TPR: variants seen among roughly 807,000 people sequenced by gnomAD.
The protein encoded by TPR is translocated promoter region, nuclear basket protein, also known as nucleoprotein TPR.
A neutral mutation model predicts 316.1 loss-of-function variants in TPR; 51 were observed. The observed-to-expected ratio is 0.16, with a 90% CI of 0.13 to 0.20. The LOEUF is 0.20. TPR is among the 10% of genes least tolerant of loss of function. TPR has a pLI of 1.00. For missense variants in TPR, 2,272 were observed against 2,754.8 expected (o/e 0.82, Z 3.92); for synonymous variants, 981 against 914.7 (o/e 1.07, Z -1.31).
intron 41 of TPR, 86 bp downstream of exon 41, chr1:186,326,018 A>AT (rs1657920969): frequency 6.3e-7 from 1 of 1,581,218 alleles, no homozygotes; most frequent in South Asian, 1.2e-5. Flanking sequence ...AGTGAATTTC[A>AT]TAAGCCTTTC....
chr1:186,343,208 C>G lies in TPR; in HGVS notation c.3750+118G>C, dbSNP rs547132260. ...GTTTAACAAATGCTTAATGAATTTA[C>G]AAGTTTAGAAGAATGCTTACTTCAA... On this transcript the variant is annotated intron_variant, in intron 27 of 50. Transcript: ENST00000367478. 4.4e-5 allele frequency: 58 copies of G among 1,326,962 alleles called. No homozygotes were observed. The African/African-American group carries it at 7.9e-4, about 18-fold the overall frequency. 82.2% of individuals were successfully genotyped at this position (1,326,962 alleles called of 1,614,324 possible).
chr1:186,325,572 G>A, intron 42 of TPR, 192 bp downstream of exon 42: 1 of 470,496 alleles, frequency 2.1e-6, no homozygotes, highest in Non-Finnish European at 3.7e-6. Flanking sequence ...GCAGAAAAGA[G>A]TATAATGACA....
chr1:186,356,858 T>C (rs1659043774), intron 14 of TPR, among the ~76,000 whole-genome samples: 1 of 152,200 alleles, frequency 6.6e-6, no homozygotes, highest in Non-Finnish European at 1.5e-5. Flanking sequence ...TCTACCGCTA[T>C]GATCCCACAG....
At chr1:186,332,014 T>C (rs569130060) in intron 38 of TPR, among the ~76,000 whole-genome samples, 181 bp downstream of exon 38, 4 of 152,148 alleles carry the variant, frequency 2.6e-5, no homozygotes, top group Non-Finnish European at 5.9e-5. Flanking sequence ...TGCAAGAATA[T>C]AAAACACTGT....
chr1:186,347,466 A>T lies in TPR; in HGVS notation c.2777-8T>A, dbSNP rs1658717776. ...CTTTGTTGCTAGGCTGACCTAAAAG[A>T]CATAACAGCTCTGTTAAAATTAACA... On this transcript the variant is annotated splice_polypyrimidine_tract_variant and splice_region_variant and intron_variant, in intron 21 of 50. Coordinates refer to ENST00000367478, the MANE Select transcript of TPR (RefSeq NM_003292.3). The T allele has an allele frequency of 4.3e-6, 7 of 1,612,790 alleles. No homozygotes were observed. The East Asian group carries it at 1.6e-4, about 36-fold the overall frequency.
chr1:186,351,354 C>T lies in TPR; in HGVS notation c.2586G>A (p.Arg862=). Residue 862 remains arginine, a synonymous_variant, in exon 20 of 51, where the codon AGG becomes AGA. Coordinates refer to ENST00000367478, the MANE Select transcript of TPR (RefSeq NM_003292.3). ...CATCTAGATTTCTAGTAAGTGTATGCCTTTGTTCCACCTCATTTTCCAACT... is the reference window on the plus strand; with the variant it reads ...CATCTAGATTTCTAGTAAGTGTATGTCTTTGTTCCACCTCATTTTCCAACT... ...KKKLENEVEQ[R]HTLTRNLDVQ... is the part of the protein sequence containing the mutation. 1 of 1,611,482 alleles carries T rather than the reference C, an allele frequency of 6.2e-7. No individual in the cohort carries two copies. Among genetic ancestry groups the T allele is most frequent in the Non-Finnish European group, 8.5e-7 (1 of 1,178,940 alleles).
In TPR at chr1:186,339,734, T is replaced by C. The variant is rs1383713345; in HGVS notation, c.4059A>G (p.Glu1353=). Residue 1353 remains glutamate, a synonymous_variant, in exon 30 of 51, where the codon GAA becomes GAG. Transcript: ENST00000367478. ...CCTTTTCAGAAAGGAGCTTCCGATA[T>C]TCTTCTGTATCTGGATCTTTCTGTT... The part of the protein sequence containing the change: ...VSQQKDPDTE[E]YRKLLSEKEV... 1.9e-6 allele frequency: 3 copies of C among 1,605,866 alleles called. No homozygotes were observed. In the African/African-American group the frequency reaches 4.0e-5, roughly 22 times the overall value.
chr1:186,361,192 T>C (rs1659175967), intron 9 of TPR, among the ~76,000 whole-genome samples: 1 of 151,966 alleles, frequency 6.6e-6, no homozygotes, highest in South Asian at 2.1e-4. Context: ...TCTTTAATCC[T>C]AAGTAAAGGA....
At chr1:186,334,263 T>C (rs1658272733) in intron 36 of TPR, 62 bp downstream of exon 36, 2 of 1,438,296 alleles carry the variant, frequency 1.4e-6, no homozygotes, top group Non-Finnish European at 1.9e-6. Context: ...TTGAAATTAC[T>C]GTCATCTTCT....
At chr1:186,314,938 G>C (rs1657551458) in intron 49 of TPR, among the ~76,000 whole-genome samples, 1 of 152,018 alleles carries the variant, frequency 6.6e-6, no homozygotes, top group Non-Finnish European at 1.5e-5. Flanking sequence ...AGGCTAAGGT[G>C]GGAGGATCAC....
At chr1:186,329,421 T>C (rs1051446445) in intron 39 of TPR, among the ~76,000 whole-genome samples, 3 of 152,272 alleles carry the variant, frequency 2.0e-5, no homozygotes, top group Non-Finnish European at 4.4e-5. Context: ...ATATCCATAA[T>C]GAGACAGCTA....
chr1:186,339,535 C>T, intron 30 of TPR, 107 bp downstream of exon 30: 8 of 958,118 alleles, frequency 8.3e-6, no homozygotes, highest in Non-Finnish European at 1.1e-5. Flanking sequence ...TGCTCTAGCA[C>T]TTTCCATTCT....
intron 38 of TPR, 136 bp downstream of exon 38, chr1:186,332,059 G>T: frequency 1.1e-6 from 1 of 894,752 alleles, no homozygotes; most frequent in Non-Finnish European, 1.6e-6. Flanking sequence ...TGGAATCTTT[G>T]TAGAAAGTTC....
At chr1:186,327,075 A>G (rs1657970576) in intron 40 of TPR, among the ~76,000 whole-genome samples, 2 of 25,762 alleles carry the variant, frequency 7.8e-5, no homozygotes, top group Non-Finnish European at 1.4e-4. Flanking sequence ...ATATAAATAT[A>G]TATAAATATA....
At chr1:186,372,304 C>T (rs570290080) in intron 2 of TPR, among the ~76,000 whole-genome samples, 18 of 152,126 alleles carry the variant, frequency 1.2e-4, no homozygotes, top group Non-Finnish European at 2.1e-4. Context: ...CACTTTGGGA[C>T]GCCGAGGCGG....
In TPR at chr1:186,312,093, C is replaced by G; in HGVS notation, c.*1878G>C. ...AATGAGAACAAAACTGTTTCCTATACATTGTAAAAGTTGTTTTCCACCTTT... is the reference window on the plus strand; with the variant it reads ...AATGAGAACAAAACTGTTTCCTATAGATTGTAAAAGTTGTTTTCCACCTTT... On this transcript the variant is annotated 3_prime_UTR_variant, in exon 51 of 51. Transcript: ENST00000367478. The G allele has an allele frequency of 8.6e-7, 1 of 1,168,088 alleles. No individual in the cohort carries two copies. Among genetic ancestry groups the G allele is most frequent in the Non-Finnish European group, 1.3e-6 (1 of 789,200 alleles). 72.4% of individuals were successfully genotyped at this position (1,168,088 alleles called of 1,614,324 possible).
At position 186,341,019 on chromosome 1, in the gene TPR, T is replaced by C; in HGVS notation, c.4020+9A>G. On this transcript the variant is annotated intron_variant, in intron 29 of 50. Coordinates refer to ENST00000367478, the MANE Select transcript of TPR (RefSeq NM_003292.3). ...TTCCATGTTTTGGAAGAGTTTTAAC[T>C]GCATTTACCTGGTTACGTGCTTTCC... 2.5e-6 allele frequency: 4 copies of C among 1,607,418 alleles called. No individual in the cohort carries two copies. The highest frequency in any genetic ancestry group is 3.4e-6 in the Non-Finnish European group (4 of 1,178,374).
intron 12 of TPR, 51 bp downstream of exon 12, chr1:186,359,748 C>A (rs1273588294): frequency 3.3e-6 from 5 of 1,530,628 alleles, no homozygotes; most frequent in East Asian, 4.8e-5. Flanking sequence ...CCTAGTAAAT[C>A]ATTTCTCATT....
At chr1:186,320,183 A>T (rs370752261) in intron 46 of TPR, 129 bp downstream of exon 46, 15 of 815,626 alleles carry the variant, frequency 1.8e-5, no homozygotes, top group African/African-American at 1.0e-4. Flanking sequence ...CATTTAAAAA[A>T]ATAAATTAGC....
Sources: allele counts gnomAD v4.1 joint callset (sites outside exome capture counted in the v4.1 genomes callset), GRCh38; gene constraint gnomAD v4.1.1; transcripts MANE v1.5; gene names NCBI Gene and HGNC (gene_info 2026-07-23, HGNC 2026-07-21).